SLC35F3: variants seen among roughly 807,000 people sequenced by gnomAD.
SLC35F3 encodes the protein solute carrier family 35 member F3, also known as putative thiamine transporter SLC35F3.
A neutral mutation model predicts 49.9 loss-of-function variants in SLC35F3; 25 were observed. The observed-to-expected ratio is 0.50, with a 90% CI of 0.37 to 0.70. The LOEUF (loss-of-function observed/expected upper bound fraction) is 0.70, where lower values mean the gene tolerates loss of function less well. Among genes scored for constraint, SLC35F3 ranks in the 30% least tolerant of loss-of-function variants. The pLI is 0.00. For missense variants in SLC35F3, 525 were observed against 639.8 expected, an observed-to-expected ratio of 0.82 and a Z score of 1.94; for synonymous variants, 275 against 265.4, an observed-to-expected ratio of 1.04 and a Z score of -0.35.
intron 2 of SLC35F3, among the ~76,000 whole-genome samples, chr1:234,014,520 AAAG>A (rs1399616011): frequency 1.3e-5 from 2 of 152,224 alleles, no homozygotes; most frequent in Non-Finnish European, 1.5e-5. Flanking sequence ...CCAGATAGGA[AAAG>A]AAGAAGTTAA....
At chr1:234,084,963 A>G (rs1664940024) in intron 2 of SLC35F3, among the ~76,000 whole-genome samples, 1 of 152,232 alleles carries the variant, frequency 6.6e-6, no homozygotes, top group South Asian at 2.1e-4. Context: ...ATTAAAAGGA[A>G]TGAAGTACTG....
At chr1:234,220,293 G>GGT (rs139133246) in intron 2 of SLC35F3, among the ~76,000 whole-genome samples, 111 of 151,090 alleles carry the variant, frequency 7.3e-4, no homozygotes, top group Admixed American at 2.4e-3. Flanking sequence ...TCATTTCAGG[G>GGT]GTGTGTGTGT....
intron 2 of SLC35F3, among the ~76,000 whole-genome samples, chr1:233,999,361 A>C (rs1450969775): frequency 6.6e-6 from 1 of 151,948 alleles, no homozygotes; most frequent in Non-Finnish European, 1.5e-5. Flanking sequence ...TGTCCCCTCC[A>C]TTCAGCACGT....
At chr1:233,964,073 C>A (rs12049593) in intron 2 of SLC35F3, among the ~76,000 whole-genome samples, 1 of 152,162 alleles carries the variant, frequency 6.6e-6, no homozygotes. Context: ...TCTGGAAGGT[C>A]CTTGTCATTG....
intron 2 of SLC35F3, among the ~76,000 whole-genome samples, chr1:233,912,933 G>C (rs1265798459): frequency 1.3e-5 from 2 of 152,212 alleles, no homozygotes; most frequent in African/African-American, 4.8e-5. Flanking sequence ...ATCTATTAAT[G>C]CACCTTTATA....
intron 2 of SLC35F3, among the ~76,000 whole-genome samples, chr1:234,111,628 G>C (rs1384127330): frequency 6.6e-6 from 1 of 152,170 alleles, no homozygotes; most frequent in Non-Finnish European, 1.5e-5. Flanking sequence ...GTGCTGAAGA[G>C]CCAGCAGCAC....
intron 2 of SLC35F3, among the ~76,000 whole-genome samples, chr1:234,092,947 C>A (rs1266336616): frequency 6.6e-6 from 1 of 152,164 alleles, no homozygotes; most frequent in African/African-American, 2.4e-5. Context: ...ACTCTCCAGT[C>A]GGCTGAGTCT....
intron 2 of SLC35F3, among the ~76,000 whole-genome samples, chr1:234,140,002 A>AATAAAATAAAATAAATAAAAAAT: frequency 9.5e-6 from 1 of 105,368 alleles, no homozygotes; most frequent in Non-Finnish European, 2.4e-5. Context: ...AATAAAATAA[A>AATAAAATAAAATAAATAAAAAAT]GTAAGTGACT....
chr1:234,232,869 C>G (rs887503374), intron 3 of SLC35F3, among the ~76,000 whole-genome samples: 4 of 152,180 alleles, frequency 2.6e-5, no homozygotes, highest in Non-Finnish European at 4.4e-5. Context: ...AAACTTGTAG[C>G]TGGAAGTACG....
intron 3 of SLC35F3, among the ~76,000 whole-genome samples, chr1:234,305,408 G>A (rs1217312738): frequency 1.5e-5 from 2 of 135,294 alleles, no homozygotes; most frequent in African/African-American, 5.6e-5. Context: ...TTTTGAGACA[G>A]AGTCTTGCTC....
At chr1:233,961,518 G>T (rs58282697) in intron 2 of SLC35F3, among the ~76,000 whole-genome samples, 3,158 of 148,118 alleles carry the variant, frequency 0.021, 126 homozygotes, top group African/African-American at 0.075. Flanking sequence ...GGGCTATGGC[G>T]TGATCTCGGC....
At position 234,160,284 on chromosome 1, in the gene SLC35F3, G is replaced by C. The variant is rs6671014; in HGVS notation, c.284-71133G>C. Among the ~76,000 whole-genome samples, 1,472 of 152,290 alleles carry C rather than the reference G, an allele frequency of 9.7e-3. 27 individuals carry two copies. The highest frequency in any genetic ancestry group is 0.033 in the African/African-American group (1,370 of 41,548). On this transcript the variant is annotated intron_variant, in intron 2 of 7. Transcript: ENST00000366618. ...CCGTTAATGTTGAAGTTTCAGGCCA[G>C]CATCAACCCAGGAGCCATGAAGGAC...
intron 2 of SLC35F3, among the ~76,000 whole-genome samples, chr1:233,921,050 T>C (rs1662050256): frequency 6.6e-6 from 1 of 152,234 alleles, no homozygotes; most frequent in Admixed American, 6.5e-5. Flanking sequence ...ATGTGTCTTG[T>C]TGGGTTTGTG....
At chr1:234,277,382 A>C (rs1668228988) in intron 3 of SLC35F3, among the ~76,000 whole-genome samples, 1 of 152,174 alleles carries the variant, frequency 6.6e-6, no homozygotes, top group Admixed American at 6.5e-5. Context: ...TTTGGAAGAG[A>C]GGCAGCTCAC....
chr1:234,210,168 A>C (rs1371701786), intron 2 of SLC35F3, among the ~76,000 whole-genome samples: 1 of 152,156 alleles, frequency 6.6e-6, no homozygotes, highest in Non-Finnish European at 1.5e-5. Flanking sequence ...TCCACGTAAG[A>C]CATGACTTGC....
chr1:234,057,900 T>C (rs927818390), intron 2 of SLC35F3, among the ~76,000 whole-genome samples: 1 of 152,092 alleles, frequency 6.6e-6, no homozygotes, highest in African/African-American at 2.4e-5. Context: ...AGAGATGGGG[T>C]TTCACTATGT....
At chr1:234,029,776 C>T (rs927436201) in intron 2 of SLC35F3, among the ~76,000 whole-genome samples, 4 of 152,066 alleles carry the variant, frequency 2.6e-5, no homozygotes, top group Non-Finnish European at 5.9e-5. Flanking sequence ...GCAGGAGGAT[C>T]GCTTGAACCC....
At chr1:234,222,021 A>G (rs1667214089) in intron 2 of SLC35F3, among the ~76,000 whole-genome samples, 1 of 152,230 alleles carries the variant, frequency 6.6e-6, no homozygotes. Context: ...ATGTGCATGT[A>G]TGTGAGCATA....
intron 2 of SLC35F3, among the ~76,000 whole-genome samples, chr1:233,963,344 A>G (rs762633652): frequency 1.4e-5 from 2 of 147,940 alleles, no homozygotes; most frequent in East Asian, 4.0e-4. Flanking sequence ...TCTGTCGCCC[A>G]GACTGGAGTG....
Sources: allele counts gnomAD v4.1 joint callset (sites outside exome capture counted in the v4.1 genomes callset), GRCh38; gene constraint gnomAD v4.1.1; transcripts MANE v1.5; gene names NCBI Gene and HGNC (gene_info 2026-07-23, HGNC 2026-07-21).